Variants in KAZN observed in about 807,000 individuals in gnomAD.
KAZN encodes the protein kazrin, periplakin interacting protein, also known as kazrin.
Under a neutral mutation model 87.4 loss-of-function variants are expected in KAZN, and 40 were observed. That is an observed-to-expected ratio of 0.46 (90% CI 0.36 to 0.60). The LOEUF is 0.60. Among genes scored for constraint, KAZN ranks in the 20% least tolerant of loss-of-function variants. The probability of loss-of-function intolerance (pLI) is 0.00; values close to 1 mark genes in which losing one functional copy is unlikely to be tolerated. For synonymous variants in KAZN, 466 were observed against 458.3 expected (o/e 1.02, Z -0.22); for missense variants, 898 against 1,073.9 (o/e 0.84, Z 2.29).
At chr1:13,909,366 G>GT (rs961862477) in intron 1 of KAZN, among the ~76,000 whole-genome samples, 4 of 152,120 alleles carry the variant, frequency 2.6e-5, no homozygotes, top group Admixed American at 2.0e-4. Context: ...GAAAGGCTGT[G>GT]TTTTTTCAGG....
intron 2 of KAZN, among the ~76,000 whole-genome samples, chr1:14,540,255 C>T (rs1270454640): frequency 1.3e-5 from 2 of 152,154 alleles, no homozygotes. Context: ...GCCTTCAAGC[C>T]AAATGCCAGA....
intron 2 of KAZN, among the ~76,000 whole-genome samples, chr1:14,504,559 A>T (rs1217434360): frequency 2.0e-5 from 3 of 152,192 alleles, no homozygotes; most frequent in Non-Finnish European, 2.9e-5. Context: ...ATACGATGGG[A>T]TCTGCTACTC....
At chr1:14,806,959 A>T (rs938801465) in intron 1 of KAZN, among the ~76,000 whole-genome samples, 3 of 152,112 alleles carry the variant, frequency 2.0e-5, no homozygotes, top group Non-Finnish European at 4.4e-5. Flanking sequence ...TTGTGTCAGG[A>T]CTCCCTTGCA....
chr1:14,828,978 G>A (rs2100866148), intron 1 of KAZN, among the ~76,000 whole-genome samples: 1 of 152,298 alleles, frequency 6.6e-6, no homozygotes, highest in East Asian at 1.9e-4. Context: ...GGCCAGAACA[G>A]GGTCACATGG....
chr1:14,092,784 A>G (rs1644036609), intron 1 of KAZN, among the ~76,000 whole-genome samples: 1 of 152,168 alleles, frequency 6.6e-6, no homozygotes. Flanking sequence ...GTAGTTGTCC[A>G]ACGCTACAAT....
intron 2 of KAZN, among the ~76,000 whole-genome samples, chr1:14,572,914 T>C (rs915545020): frequency 2.6e-5 from 4 of 152,232 alleles, no homozygotes; most frequent in Admixed American, 1.3e-4. Flanking sequence ...AGCACTCTTC[T>C]GGACATTGCT....
At chr1:13,955,426 A>G (rs1641508652) in intron 1 of KAZN, among the ~76,000 whole-genome samples, 1 of 152,018 alleles carries the variant, frequency 6.6e-6, no homozygotes, top group East Asian at 1.9e-4. Flanking sequence ...TGTCCTTTAA[A>G]TAATTTTAAA....
At chr1:14,755,973 C>T (rs552172606) in intron 1 of KAZN, among the ~76,000 whole-genome samples, 1 of 152,140 alleles carries the variant, frequency 6.6e-6, no homozygotes, top group African/African-American at 2.4e-5. Flanking sequence ...TAGAATGGTA[C>T]CAAGGACTCT....
rs551303147 is a variant in KAZN, at chr1:14,943,934, C to T, written c.227-16750C>T. ...TAAAAATACAAACTAATTAGCCGGG[C>T]GTGGTGGCGCATGCCTGTAATCCCA... On this transcript the variant is annotated intron_variant, in intron 1 of 14. Transcript: ENST00000376030. Among the ~76,000 whole-genome samples the T allele has an allele frequency of 1.6e-4, 25 of 152,240 alleles. No homozygotes were observed. The South Asian group carries it at 4.3e-3, about 26-fold the overall frequency.
At chr1:14,409,157 A>G (rs1049485227) in intron 2 of KAZN, among the ~76,000 whole-genome samples, 1 of 152,240 alleles carries the variant, frequency 6.6e-6, no homozygotes, top group Non-Finnish European at 1.5e-5. Flanking sequence ...ATGTTTGACA[A>G]AATACAGTAG....
intron 1 of KAZN, among the ~76,000 whole-genome samples, chr1:14,909,275 C>A (rs1380065549): frequency 6.6e-6 from 1 of 152,170 alleles, no homozygotes; most frequent in Non-Finnish European, 1.5e-5. Flanking sequence ...AAGTGAGGCT[C>A]TGAGCATTTA....
chr1:14,579,287 C>T (rs565396629), intron 2 of KAZN, among the ~76,000 whole-genome samples: 2 of 152,146 alleles, frequency 1.3e-5, no homozygotes, highest in Admixed American at 6.5e-5. Context: ...GTAGTTAGTA[C>T]AATTTCTGAC....
At position 15,114,732 on chromosome 1, in the gene KAZN, A is replaced by G; in HGVS notation, c.*97A>G. 8.0e-7 allele frequency: 1 copy of G among 1,254,590 alleles called. No homozygotes were observed. Among genetic ancestry groups the G allele is most frequent in the Non-Finnish European group, 1.1e-6 (1 of 915,872 alleles). 77.7% of individuals were successfully genotyped at this position (1,254,590 alleles called of 1,614,324 possible). ...CGTTCTCACTGTACATAGCGGCCGCAGGCTGAGGATGTCCCTTGCTCCTGG... is the reference window on the plus strand; with the variant it reads ...CGTTCTCACTGTACATAGCGGCCGCGGGCTGAGGATGTCCCTTGCTCCTGG... On this transcript the variant is annotated 3_prime_UTR_variant, in exon 15 of 15. Coordinates refer to ENST00000376030, the MANE Select transcript of KAZN (RefSeq NM_201628.3).
rs55792359 is a variant in KAZN at position 14,195,511 on chromosome 1, T to TCACACACACACA, written c.249+14940_249+14951dup. Among the ~76,000 whole-genome samples, 642 of 146,162 alleles carry TCACACACACACA rather than the reference T, an allele frequency of 4.4e-3. 2 individuals are homozygous for TCACACACACACA. The highest frequency in any genetic ancestry group is 0.014 in the African/African-American group (556 of 39,780). On this transcript the variant is annotated intron_variant, in intron 2 of 16. Transcript: ENST00000636203. Reference sequence around the variant, plus strand: ...CAGGGATTCCAATTACAAAAACGGCTCACACACACACACACACACACACAC... The same window carrying TCACACACACACA: ...CAGGGATTCCAATTACAAAAACGGCTCACACACACACACACACACACACACACACACACACAC...
intron 2 of KAZN, among the ~76,000 whole-genome samples, chr1:14,210,880 A>G (rs2100450866): frequency 6.6e-6 from 1 of 152,284 alleles, no homozygotes; most frequent in African/African-American, 2.4e-5. Flanking sequence ...TGCTCCTACA[A>G]TTAATCTGTG....
intron 2 of KAZN, among the ~76,000 whole-genome samples, chr1:14,409,797 T>C (rs1053954534): frequency 3.9e-5 from 6 of 152,046 alleles, no homozygotes; most frequent in African/African-American, 1.4e-4. Context: ...AAACTCCCAA[T>C]AAAAGAACTA....
At chr1:14,886,401 T>C (rs753443589) in intron 1 of KAZN, among the ~76,000 whole-genome samples, 17 of 151,466 alleles carry the variant, frequency 1.1e-4, no homozygotes, top group Non-Finnish European at 2.4e-4. Flanking sequence ...CCAGCCTGGA[T>C]GAACGCATGA....
intron 4 of KAZN, among the ~76,000 whole-genome samples, chr1:15,055,064 GAGA>G (rs1674806739): frequency 6.6e-6 from 1 of 152,206 alleles, no homozygotes; most frequent in East Asian, 1.9e-4. Flanking sequence ...TTGTGACAGG[GAGA>G]AGAAGCAGCC....
intron 2 of KAZN, among the ~76,000 whole-genome samples, chr1:14,433,507 C>T (rs927005213): frequency 3.3e-5 from 5 of 152,032 alleles, no homozygotes; most frequent in Admixed American, 6.6e-5. Context: ...AAAGGGAATT[C>T]GGGTTAGAGG....
Sources: allele counts gnomAD v4.1 joint callset (sites outside exome capture counted in the v4.1 genomes callset), GRCh38; gene constraint gnomAD v4.1.1; transcripts MANE v1.5; gene names NCBI Gene and HGNC (gene_info 2026-07-23, HGNC 2026-07-21).